The following UGGT1 variants were observed in gnomAD, a reference collection of about 807,000 sequenced individuals.
The protein encoded by UGGT1 is UDP-glucose glycoprotein glucosyltransferase 1, also known as UDP-glucose:glycoprotein glucosyltransferase 1.
In UGGT1, 107 loss-of-function variants were observed where a neutral mutation model predicts 203.9. That is an observed-to-expected ratio of 0.52 (90% CI 0.45 to 0.62). The LOEUF (loss-of-function observed/expected upper bound fraction) is 0.62, where lower values mean the gene tolerates loss of function less well. Among genes scored for constraint, UGGT1 ranks in the 20% least tolerant of loss-of-function variants. The probability of loss-of-function intolerance (pLI) is 0.00; values close to 1 mark genes in which losing one functional copy is unlikely to be tolerated. For synonymous variants in UGGT1, 628 were observed against 653.5 expected, an observed-to-expected ratio of 0.96 and a Z score of 0.59; for missense variants, 1,673 against 1,867.2, an observed-to-expected ratio of 0.90 and a Z score of 1.92.
In UGGT1 at chr2:128,145,784, G is replaced by A. The variant is rs1248007667; in HGVS notation, c.1852-19G>A. On this transcript the variant is annotated intron_variant, in intron 17 of 40. Coordinates refer to ENST00000259253, the MANE Select transcript of UGGT1 (RefSeq NM_020120.4). ...CAAAAGGCAAAAATATACTGTTTTT[G>A]TGGTTACTTGTGTTTCAGGAAGCAA... The A allele has an allele frequency of 1.3e-6, 2 of 1,537,360 alleles. No homozygotes were observed. Among genetic ancestry groups the A allele is most frequent in the Non-Finnish European group, 1.8e-6 (2 of 1,140,028 alleles).
In UGGT1 at chr2:128,159,428, A is replaced by G. The variant is rs114137812; in HGVS notation, c.2356-86A>G. 596 of 1,220,152 alleles carry G rather than the reference A, an allele frequency of 4.9e-4. 2 individuals are homozygous for G. The African/African-American group carries it at 8.0e-3, about 16-fold the overall frequency. 75.6% of individuals were successfully genotyped at this position (1,220,152 alleles called of 1,614,324 possible). On this transcript the variant is annotated intron_variant, in intron 22 of 40. Transcript: ENST00000259253. ...ACTTTTAAGAGAGATATTATTTGCTACTTATTGAACATGACTGATGTTAAT... is the reference window on the plus strand; with the variant it reads ...ACTTTTAAGAGAGATATTATTTGCTGCTTATTGAACATGACTGATGTTAAT...
chr2:128,173,899 C>G lies in UGGT1; in HGVS notation c.3413C>G (p.Ala1138Gly), dbSNP rs1193694700. 1.2e-6 allele frequency: 2 copies of G among 1,614,016 alleles called. No homozygotes were observed. Among genetic ancestry groups the G allele is most frequent in the East Asian group, 2.2e-5 (1 of 44,898 alleles). Residue 1138 changes from alanine to glycine, a missense_variant, in exon 30 of 41, where the codon GCC becomes GGC. Physicochemically the swap from Ala to Gly is moderately conservative, Grantham distance 60. Transcript: ENST00000259253. The part of the protein sequence containing the change: ...RGLQFTLGTS[A>G]NPVIVDTIVM... ...CTACAGTTTACCTTAGGAACTTCAG[C>G]CAACCCGGTCATTGTGGACACCATT...
chr2:128,148,964 C>T (rs1689817948), intron 18 of UGGT1, among the ~76,000 whole-genome samples: 1 of 152,108 alleles, frequency 6.6e-6, no homozygotes, highest in African/African-American at 2.4e-5. Context: ...ATTTTGGGGC[C>T]ATTGATTTTC....
Position 128,145,947 on chromosome 2 carries a change from T to A in UGGT1, c.1996T>A (p.Phe666Ile). The change falls in exon 18 of 41, where the codon TTC becomes ATC. Residue 666 changes from phenylalanine (F) to isoleucine (I), a missense_variant. Around this residue, in one of 4 missense-constraint regions of UGGT1, gnomAD observed 1,073 missense variants for 1,078.7 expected, o/e 0.99. Coordinates refer to ENST00000259253, the MANE Select transcript of UGGT1 (RefSeq NM_020120.4). ...TAAAATCCTGGAGACCACCACCTTCTTCCAAAGAGCGGTGTACTTGGTGAG... is the reference window on the plus strand; with the variant it reads ...TAAAATCCTGGAGACCACCACCTTCATCCAAAGAGCGGTGTACTTGGTGAG... ...MHKILETTTF[F>I]QRAVYLGELP... is the part of the protein sequence containing the mutation. 6.2e-7 allele frequency: 1 copy of A among 1,614,030 alleles called. No homozygotes were observed. The highest frequency in any genetic ancestry group is 8.5e-7 in the Non-Finnish European group (1 of 1,179,988).
intron 23 of UGGT1, 69 bp from the exon 24 acceptor site, chr2:128,160,391 C>T: frequency 6.9e-7 from 1 of 1,457,506 alleles, no homozygotes; most frequent in South Asian, 1.4e-5. Context: ...GGTTTATTCA[C>T]TGTGTTTATT....
intron 18 of UGGT1, among the ~76,000 whole-genome samples, chr2:128,146,322 C>A (rs1226435155): frequency 1.3e-5 from 2 of 151,678 alleles, no homozygotes; most frequent in East Asian, 1.9e-4. Context: ...TTAAAAAAAA[C>A]AAAACAAAAC....
intron 40 of UGGT1, among the ~76,000 whole-genome samples, chr2:128,189,049 CAAATT>C (rs1469199739): frequency 1.3e-5 from 2 of 152,100 alleles, no homozygotes; most frequent in African/African-American, 4.8e-5. Flanking sequence ...AAACAGTAAT[CAAATT>C]AAAGCAGTCT....
intron 2 of UGGT1, among the ~76,000 whole-genome samples, chr2:128,102,375 C>T (rs1687417305): frequency 6.6e-6 from 1 of 152,110 alleles, no homozygotes; most frequent in African/African-American, 2.4e-5. Context: ...AACTCCTGAC[C>T]TCAGGTGGTC....
intron 1 of UGGT1, among the ~76,000 whole-genome samples, chr2:128,095,613 C>G (rs567842108): frequency 6.6e-6 from 1 of 152,156 alleles, no homozygotes; most frequent in East Asian, 1.9e-4. Context: ...CTTAGCCTCC[C>G]AAGTAGCTGG....
At chr2:128,172,858 G>C in intron 29 of UGGT1, 96 bp downstream of exon 29, 2 of 1,187,256 alleles carry the variant, frequency 1.7e-6, no homozygotes, top group South Asian at 1.5e-5. Context: ...CAGTGTTCAG[G>C]TATGATATTT....
intron 2 of UGGT1, among the ~76,000 whole-genome samples, chr2:128,098,481 A>G (rs1442290292): frequency 6.6e-6 from 1 of 152,174 alleles, no homozygotes; most frequent in East Asian, 1.9e-4. Flanking sequence ...GTGGCTAGGT[A>G]CGGTGGCTCA....
At chr2:128,120,259 G>A in intron 8 of UGGT1, 97 bp from the exon 9 acceptor site, 2 of 1,118,352 alleles carry the variant, frequency 1.8e-6, no homozygotes, top group African/African-American at 1.6e-5. Flanking sequence ...TCCTAGGGTT[G>A]GGAGAGGAAA....
chr2:128,132,093 A>G (rs1036497965), intron 13 of UGGT1, among the ~76,000 whole-genome samples: 2 of 152,086 alleles, frequency 1.3e-5, no homozygotes, highest in African/African-American at 4.8e-5. Context: ...CTGTCTAGCG[A>G]GTATGAAATT....
At chr2:128,134,664 C>T (rs774861886) in intron 14 of UGGT1, among the ~76,000 whole-genome samples, 2 of 152,154 alleles carry the variant, frequency 1.3e-5, no homozygotes, top group Admixed American at 6.5e-5. Context: ...TTGTTATCAG[C>T]GTAAGTCCAT....
At chr2:128,110,739 G>A (rs982839837) in intron 5 of UGGT1, among the ~76,000 whole-genome samples, 8 of 152,072 alleles carry the variant, frequency 5.3e-5, no homozygotes, top group African/African-American at 1.9e-4. Context: ...TATACATGTA[G>A]GTAGTTTTAT....
At chr2:128,150,201 T>C (rs1448186011) in intron 18 of UGGT1, among the ~76,000 whole-genome samples, 2 of 152,146 alleles carry the variant, frequency 1.3e-5, no homozygotes, top group Non-Finnish European at 2.9e-5. Flanking sequence ...TTCGAGAGGC[T>C]GAGGCTGGAG....
At position 128,159,581 on chromosome 2, in the gene UGGT1, C is replaced by T. The variant is rs755421274; in HGVS notation, c.2423C>T (p.Thr808Ile). ...GCCAAAGAGATAAGCTATGAGAACA[C>T]TCAGATCTCCAGAGCAATCTGGGCA... ...NPAKEISYENTQISRAIWAAL... is the reference protein window; with the variant it reads ...NPAKEISYENIQISRAIWAAL... Residue 808 changes from threonine (T) to isoleucine (I), a missense_variant, in exon 23 of 41, where the codon ACT (threonine) becomes ATT (isoleucine). Coordinates refer to ENST00000259253, the MANE Select transcript of UGGT1 (RefSeq NM_020120.4). 2.5e-6 allele frequency: 4 copies of T among 1,614,088 alleles called. No homozygotes were observed. Among genetic ancestry groups the T allele is most frequent in the Non-Finnish European group, 3.4e-6 (4 of 1,180,042 alleles).
chr2:128,131,638 C>T (rs186031325), intron 13 of UGGT1, among the ~76,000 whole-genome samples: 2 of 151,908 alleles, frequency 1.3e-5, no homozygotes, highest in East Asian at 1.9e-4. Flanking sequence ...TGTTGCATTG[C>T]GTTGTGTTGC....
At position 128,164,778 on chromosome 2, in the gene UGGT1, A is replaced by C. The variant is rs752882702; in HGVS notation, c.2874A>C (p.Pro958=). The change falls in exon 26 of 41, where the codon CCA becomes CCC. Residue 958 remains proline (P), a synonymous_variant. Coordinates refer to ENST00000259253, the MANE Select transcript of UGGT1 (RefSeq NM_020120.4). ...MKVDALLSAQ[P]KGDPRIEYQF... Reference sequence around the variant, plus strand: ...TGGATGCTCTTCTGTCAGCGCAACCAAAAGGAGATCCAAGAATCGAGTACC... The same window carrying C: ...TGGATGCTCTTCTGTCAGCGCAACCCAAAGGAGATCCAAGAATCGAGTACC... 6.2e-7 allele frequency: 1 copy of C among 1,612,120 alleles called. No homozygotes were observed. The highest frequency in any genetic ancestry group is 1.7e-5 in the Admixed American group (1 of 59,530).
Sources: allele counts gnomAD v4.1 joint callset (sites outside exome capture counted in the v4.1 genomes callset), GRCh38; gene constraint gnomAD v4.1.1; regional missense constraint gnomAD v4.1.1; transcripts MANE v1.5; gene names NCBI Gene and HGNC (gene_info 2026-07-23, HGNC 2026-07-21).